HS3ST4: variants seen among roughly 807,000 people sequenced by gnomAD.
The protein encoded by HS3ST4 is heparan sulfate-glucosamine 3-sulfotransferase 4.
A neutral mutation model predicts 29.2 loss-of-function variants in HS3ST4; 17 were observed. The observed-to-expected ratio is 0.58, with a 90% CI of 0.40 to 0.87. The LOEUF (loss-of-function observed/expected upper bound fraction) is 0.87, where lower values mean the gene tolerates loss of function less well. HS3ST4 is among the 40% of genes least tolerant of loss of function. HS3ST4 has a pLI of 0.00. For synonymous variants in HS3ST4, 314 were observed against 285.7 expected (o/e 1.10, Z -1.00); for missense variants, 627 against 634.5 (o/e 0.99, Z 0.13).
intron 1 of HS3ST4, among the ~76,000 whole-genome samples, chr16:26,100,905 G>A (rs923359949): frequency 1.3e-5 from 2 of 152,106 alleles, no homozygotes; most frequent in South Asian, 2.1e-4. Context: ...TGGGGCGATG[G>A]CAGCTCTCTA....
intron 1 of HS3ST4, among the ~76,000 whole-genome samples, chr16:25,763,649 G>A (rs1475439283): frequency 6.6e-6 from 1 of 152,168 alleles, no homozygotes; most frequent in Non-Finnish European, 1.5e-5. Flanking sequence ...GCAGGCAGAG[G>A]GAAGGAATAT....
In HS3ST4 at chr16:26,078,990, C is replaced by T. The variant is rs138097778; in HGVS notation, c.735-56622C>T. ...TGGTACCAATTCAGAAAAATGAGAACGGAACAGTAGGCTCTCATTGTTTGT... is the reference window on the plus strand; with the variant it reads ...TGGTACCAATTCAGAAAAATGAGAATGGAACAGTAGGCTCTCATTGTTTGT... On this transcript the variant is annotated intron_variant, in intron 1 of 1. Coordinates refer to ENST00000331351, the MANE Select transcript of HS3ST4 (RefSeq NM_006040.3). Among the ~76,000 whole-genome samples the T allele has an allele frequency of 2.1e-3, 322 of 152,264 alleles. 1 individual carries two copies. The highest frequency in any genetic ancestry group is 7.5e-3 in the African/African-American group (310 of 41,536).
At chr16:25,775,525 C>T (rs1966846802) in intron 1 of HS3ST4, among the ~76,000 whole-genome samples, 1 of 152,168 alleles carries the variant, frequency 6.6e-6, no homozygotes, top group South Asian at 2.1e-4. Context: ...TTTATGATCC[C>T]AGGTGCCCCA....
At chr16:25,792,624 T>C (rs1352836640) in intron 1 of HS3ST4, among the ~76,000 whole-genome samples, 1 of 151,952 alleles carries the variant, frequency 6.6e-6, no homozygotes, top group Non-Finnish European at 1.5e-5. Context: ...TTAAAATATC[T>C]GTAGGATTTG....
chr16:25,918,532 A>T (rs1968315047), intron 1 of HS3ST4, among the ~76,000 whole-genome samples: 1 of 152,196 alleles, frequency 6.6e-6, no homozygotes, highest in Non-Finnish European at 1.5e-5. Context: ...AGTAGTTTAG[A>T]GGGGCGCTGG....
chr16:25,893,695 G>A (rs1001796279), intron 1 of HS3ST4, among the ~76,000 whole-genome samples: 1 of 152,222 alleles, frequency 6.6e-6, no homozygotes, highest in East Asian at 1.9e-4. Flanking sequence ...AATGGGGGCA[G>A]CCCCACCCCT....
chr16:26,048,617 G>A (rs1182483467), intron 1 of HS3ST4, among the ~76,000 whole-genome samples: 4 of 152,162 alleles, frequency 2.6e-5, no homozygotes, highest in East Asian at 1.9e-4. Flanking sequence ...AGAGGATCCC[G>A]AGAGTTTGAG....
chr16:25,903,302 G>GTA (rs1555471412), intron 1 of HS3ST4, among the ~76,000 whole-genome samples: 17 of 103,488 alleles, frequency 1.6e-4, no homozygotes, highest in South Asian at 1.3e-3. Flanking sequence ...GTGTGTGTGT[G>GTA]TATGTATATG....
At chr16:25,818,251 C>A (rs1181973742) in intron 1 of HS3ST4, among the ~76,000 whole-genome samples, 1 of 152,150 alleles carries the variant, frequency 6.6e-6, no homozygotes, top group Non-Finnish European at 1.5e-5. Flanking sequence ...GTGATTAGAT[C>A]ATGAGAGTGA....
At chr16:25,864,852 A>G (rs9930229) in intron 1 of HS3ST4, among the ~76,000 whole-genome samples, 3 of 151,218 alleles carry the variant, frequency 2.0e-5, no homozygotes, top group African/African-American at 7.3e-5. Flanking sequence ...TTTTGTGTGT[A>G]TATATGCAAT....
chr16:25,983,056 G>C (rs960964497), intron 1 of HS3ST4, among the ~76,000 whole-genome samples: 2 of 152,296 alleles, frequency 1.3e-5, no homozygotes, highest in African/African-American at 4.8e-5. Flanking sequence ...GGAGATATGT[G>C]ATGTCCAATA....
chr16:25,990,171 T>C (rs1478221264), intron 1 of HS3ST4, among the ~76,000 whole-genome samples: 1 of 152,222 alleles, frequency 6.6e-6, no homozygotes, highest in Non-Finnish European at 1.5e-5. Context: ...AAGGACATCC[T>C]CGTTGCTTCC....
chr16:25,954,173 T>C (rs7193616), intron 1 of HS3ST4, among the ~76,000 whole-genome samples: 124,137 of 152,216 alleles, frequency 0.82, 51,224 homozygotes, highest in African/African-American at 0.95. Context: ...TCAACCCAGG[T>C]TTGGATGGCT....
At chr16:25,702,888 C>T (rs867026648) in intron 1 of HS3ST4, among the ~76,000 whole-genome samples, 2 of 151,966 alleles carry the variant, frequency 1.3e-5, no homozygotes, top group Admixed American at 6.6e-5. Flanking sequence ...GAGTTGAGCA[C>T]GATGGCTCAC....
rs375263113 is a variant in HS3ST4, at chr16:25,775,892, G to A, written c.734+82741G>A. 2.0e-4 allele frequency among the ~76,000 whole-genome samples: 31 copies of A among 152,242 alleles called. No individual in the cohort carries two copies. The East Asian group carries it at 2.5e-3, about 12-fold the overall frequency. On this transcript the variant is annotated intron_variant, in intron 1 of 1. Transcript: ENST00000331351. ...CACAGACCATTTATCTTGGAACTCC[G>A]CATACAGTCTTAGTCCTGTGTTTTC... is the stretch of plus-strand genomic sequence containing the variant.
At chr16:25,891,216 A>T (rs901132865) in intron 1 of HS3ST4, among the ~76,000 whole-genome samples, 2 of 152,236 alleles carry the variant, frequency 1.3e-5, no homozygotes, top group Non-Finnish European at 2.9e-5. Context: ...TCAGAGGCTG[A>T]GTTCTATAGA....
intron 1 of HS3ST4, among the ~76,000 whole-genome samples, chr16:25,831,569 C>T (rs556163784): frequency 1.5e-4 from 23 of 151,768 alleles, no homozygotes; most frequent in African/African-American, 3.6e-4. Context: ...CCAGCCTAGG[C>T]GACAGAGTGA....
chr16:25,728,288 C>G (rs1363636675), intron 1 of HS3ST4, among the ~76,000 whole-genome samples: 3 of 152,216 alleles, frequency 2.0e-5, no homozygotes, highest in African/African-American at 7.2e-5. Flanking sequence ...GCGTGAGCCA[C>G]TGTGCCTGGC....
intron 1 of HS3ST4, among the ~76,000 whole-genome samples, chr16:26,115,288 A>C (rs1192632359): frequency 3.0e-5 from 4 of 135,528 alleles, no homozygotes; most frequent in Admixed American, 2.9e-4. Context: ...CACACACACA[A>C]GTATAAACGT....
Sources: gnomAD v4.1 joint callset for allele counts (sites outside exome capture counted in the v4.1 genomes callset) on GRCh38, gnomAD v4.1.1 for gene constraint, MANE v1.5 for transcripts, NCBI Gene and HGNC (gene_info 2026-07-23, HGNC 2026-07-21) for gene names.